Variants in KCNN2 observed in about 807,000 individuals in gnomAD.
KCNN2 encodes potassium calcium-activated channel subfamily N member 2.
KCNN2 carries 24 observed loss-of-function variants against 55.5 expected under a neutral mutation model. That is an observed-to-expected ratio of 0.43 (90% CI 0.31 to 0.61). KCNN2 has a LOEUF of 0.61. KCNN2 is among the 20% of genes least tolerant of loss of function. The probability of loss-of-function intolerance (pLI) is 0.08; values close to 1 mark genes in which losing one functional copy is unlikely to be tolerated. For synonymous variants in KCNN2, 431 were observed against 336.1 expected (o/e 1.28, Z -3.09); for missense variants, 754 against 853.6 (o/e 0.88, Z 1.45).
chr5:114,191,613 C>G (rs1753451954), intron 1 of KCNN2, among the ~76,000 whole-genome samples: 1 of 152,068 alleles, frequency 6.6e-6, no homozygotes, highest in Admixed American at 6.6e-5. Context: ...TAGCATTGGG[C>G]CAGTACAGCA....
intron 2 of KCNN2, among the ~76,000 whole-genome samples, chr5:114,294,649 C>T (rs1338408717): frequency 1.3e-5 from 2 of 152,076 alleles, no homozygotes; most frequent in Admixed American, 6.6e-5. Flanking sequence ...TGGTGTGGTG[C>T]TGAAAAGAAT....
intron 1 of KCNN2, among the ~76,000 whole-genome samples, chr5:114,082,701 A>G (rs1487210794): frequency 6.6e-6 from 1 of 152,190 alleles, no homozygotes; most frequent in African/African-American, 2.4e-5. Context: ...ATGGGTAAAC[A>G]AAATGTGTTA....
At chr5:114,250,705 G>A (rs1475733225) in intron 2 of KCNN2, among the ~76,000 whole-genome samples, 1 of 152,190 alleles carries the variant, frequency 6.6e-6, no homozygotes, top group Non-Finnish European at 1.5e-5. Flanking sequence ...TCTGTGAAAT[G>A]CACAAGCAAG....
chr5:114,435,411 CTTG>C (rs1351307226), intron 3 of KCNN2, among the ~76,000 whole-genome samples: 1 of 151,272 alleles, frequency 6.6e-6, no homozygotes, highest in Non-Finnish European at 1.5e-5. Flanking sequence ...TTTTTATTTT[CTTG>C]TTGTGAGGAT....
At chr5:114,284,068 T>G (rs771280636) in intron 2 of KCNN2, among the ~76,000 whole-genome samples, 8 of 152,168 alleles carry the variant, frequency 5.3e-5, no homozygotes, top group Non-Finnish European at 1.2e-4. Context: ...ACCTTGAACC[T>G]CACACCTTTT....
At chr5:114,471,264 T>C (rs1282047608) in intron 4 of KCNN2, among the ~76,000 whole-genome samples, 2 of 152,196 alleles carry the variant, frequency 1.3e-5, no homozygotes, top group African/African-American at 4.8e-5. Flanking sequence ...TATAAAATAG[T>C]GTATTACTTG....
intron 1 of KCNN2, among the ~76,000 whole-genome samples, chr5:114,216,664 C>A (rs1440913299): frequency 1.3e-5 from 2 of 151,904 alleles, no homozygotes; most frequent in Non-Finnish European, 2.9e-5. Flanking sequence ...TACGAAAACC[C>A]ACCAGCTACC....
At chr5:114,143,553 C>T (rs1752333273) in intron 1 of KCNN2, among the ~76,000 whole-genome samples, 1 of 152,118 alleles carries the variant, frequency 6.6e-6, no homozygotes, top group South Asian at 2.1e-4. Flanking sequence ...CTCGTGCGTC[C>T]ATTTATAGGC....
intron 3 of KCNN2, among the ~76,000 whole-genome samples, chr5:114,449,346 A>C (rs1266413418): frequency 6.6e-6 from 1 of 152,180 alleles, no homozygotes; most frequent in East Asian, 1.9e-4. Context: ...GCATACTCTG[A>C]GCAGCCCTCA....
intron 1 of KCNN2, among the ~76,000 whole-genome samples, chr5:114,177,508 TA>T (rs751472562): frequency 2.6e-4 from 40 of 151,842 alleles, no homozygotes; most frequent in Middle Eastern, 6.8e-3. Context: ...CATATATATA[TA>T]TATTTTTTCC....
intron 1 of KCNN2, among the ~76,000 whole-genome samples, chr5:114,071,558 A>G (rs1455248699): frequency 3.3e-5 from 5 of 152,220 alleles, no homozygotes; most frequent in Non-Finnish European, 4.4e-5. Flanking sequence ...GATATACAAT[A>G]TCATCTGCCA....
chr5:114,101,912 A>G (rs1048575422), intron 1 of KCNN2, among the ~76,000 whole-genome samples: 3 of 152,170 alleles, frequency 2.0e-5, no homozygotes. Context: ...ATGTGTCTTT[A>G]TAGTAGAATG....
chr5:114,230,165 A>G (rs1435497642), intron 2 of KCNN2, among the ~76,000 whole-genome samples: 1 of 152,176 alleles, frequency 6.6e-6, no homozygotes, highest in Non-Finnish European at 1.5e-5. Flanking sequence ...AGGATTATAA[A>G]GGATAAGTTT....
chr5:114,149,451 A>C (rs1752470611), intron 1 of KCNN2, among the ~76,000 whole-genome samples: 1 of 152,132 alleles, frequency 6.6e-6, no homozygotes, highest in East Asian at 1.9e-4. Context: ...CACACAAGAT[A>C]GTGAAAGCTG....
At chr5:114,301,504 C>A (rs1343174067) in intron 2 of KCNN2, among the ~76,000 whole-genome samples, 1 of 152,166 alleles carries the variant, frequency 6.6e-6, no homozygotes, top group Non-Finnish European at 1.5e-5. Context: ...ATGAAACACC[C>A]TTTTAGTGTC....
intron 1 of KCNN2, among the ~76,000 whole-genome samples, chr5:114,067,275 C>G (rs1750471144): frequency 6.6e-6 from 1 of 152,158 alleles, no homozygotes; most frequent in Non-Finnish European, 1.5e-5. Flanking sequence ...CAGAATTTAT[C>G]TAAGTGTGGC....
chr5:114,404,985 C>T (rs912684367), intron 3 of KCNN2, 129 bp downstream of exon 3: 16 of 702,864 alleles, frequency 2.3e-5, no homozygotes, highest in Non-Finnish European at 3.8e-5. Context: ...TGACAGGCTT[C>T]TTTGAAATGA....
intron 1 of KCNN2, among the ~76,000 whole-genome samples, chr5:114,170,810 A>G (rs1580585413): frequency 6.6e-6 from 1 of 151,994 alleles, no homozygotes. Context: ...CCTAAACTAC[A>G]TTCTTGAATT....
chr5:114,278,970 A>C (rs3112748), intron 2 of KCNN2, among the ~76,000 whole-genome samples: 136,457 of 152,074 alleles, frequency 0.9, 61,630 homozygotes, highest in East Asian at 0.94. Flanking sequence ...TGGGAGCTGC[A>C]GATCGGAGCT....
Sources: gnomAD v4.1 joint callset for allele counts (sites outside exome capture counted in the v4.1 genomes callset) on GRCh38, gnomAD v4.1.1 for gene constraint, MANE v1.5 for transcripts, NCBI Gene and HGNC (gene_info 2026-07-23, HGNC 2026-07-21) for gene names.